PIEZO1: variants seen among roughly 807,000 people sequenced by gnomAD.
PIEZO1 encodes the protein piezo-type mechanosensitive ion channel component 1.
Under a neutral mutation model 297.2 loss-of-function variants are expected in PIEZO1, and 296 were observed. The ratio of observed to expected loss-of-function variants is 1.00; its 90% CI spans 0.91 to 1.10. The LOEUF is 1.10. PIEZO1 is among the 50% of genes least tolerant of loss of function. The probability of loss-of-function intolerance (pLI) is 0.00; values close to 1 mark genes in which losing one functional copy is unlikely to be tolerated. For missense variants in PIEZO1, 5,018 were observed against 3,455.5 expected, an observed-to-expected ratio of 1.45 and a Z score of -11.34; for synonymous variants, 2,427 against 1,507.5, an observed-to-expected ratio of 1.61 and a Z score of -14.13.
At chr16:88,724,772 G>C (rs528815801) in intron 30 of PIEZO1, among the ~76,000 whole-genome samples, 1 of 152,180 alleles carries the variant, frequency 6.6e-6, no homozygotes, top group Non-Finnish European at 1.5e-5. Flanking sequence ...TGTGTCATCG[G>C]GGCAAGCTCC....
rs1283603455 is a variant in PIEZO1 at position 88,721,314 on chromosome 16, G to C, written c.5520C>G (p.Asp1840Glu). 3.9e-6 allele frequency: 6 copies of C among 1,546,056 alleles called. No homozygotes were observed. In the East Asian group the frequency reaches 1.5e-4, roughly 38 times the overall value. ...GPGVPAATTE[D>E]HIQVEARVGP... ...CGACCCTGGCTTCCACCTGAATGTG[G>C]TCTTCGGTGGTGGCCGCAGGCACCC... The change falls in exon 39 of 51, where the codon GAC (aspartate) becomes GAG (glutamate). Residue 1840 changes from aspartate to glutamate, a missense_variant. Transcript: ENST00000301015.
chr16:88,781,929 T>A (rs572013774), intron 1 of PIEZO1, among the ~76,000 whole-genome samples: 1 of 152,328 alleles, frequency 6.6e-6, no homozygotes, highest in South Asian at 2.1e-4. Context: ...GGTGTGCCCC[T>A]AGGCTGTGCC....
intron 1 of PIEZO1, among the ~76,000 whole-genome samples, chr16:88,778,372 T>C (rs903307046): frequency 1.3e-5 from 2 of 152,206 alleles, no homozygotes; most frequent in Admixed American, 6.5e-5. Context: ...GCCCCAGCTA[T>C]ATATACCCAC....
intron 2 of PIEZO1, among the ~76,000 whole-genome samples, chr16:88,747,037 CCT>C (rs1174633149): frequency 6.6e-6 from 1 of 152,174 alleles, no homozygotes; most frequent in Non-Finnish European, 1.5e-5. Flanking sequence ...TCCCAAAATG[CCT>C]CTCTGCACCC....
At chr16:88,735,457 G>A (rs1473559970) in intron 12 of PIEZO1, among the ~76,000 whole-genome samples, 1 of 152,272 alleles carries the variant, frequency 6.6e-6, no homozygotes, top group African/African-American at 2.4e-5. Context: ...CCATGGATGA[G>A]TGCATGGGTT....
chr16:88,770,706 G>A (rs908574360), intron 1 of PIEZO1, among the ~76,000 whole-genome samples: 3 of 152,336 alleles, frequency 2.0e-5, no homozygotes, highest in Middle Eastern at 6.8e-3. Flanking sequence ...AGGCCGGCTG[G>A]CAGCCCAGCC....
At chr16:88,757,837 G>C (rs989822663) in intron 1 of PIEZO1, among the ~76,000 whole-genome samples, 2 of 152,188 alleles carry the variant, frequency 1.3e-5, no homozygotes, top group African/African-American at 4.8e-5. Context: ...AGAGACTCAA[G>C]TCACAGGCAG....
chr16:88,777,371 C>T (rs756758795), intron 1 of PIEZO1, among the ~76,000 whole-genome samples: 13 of 152,214 alleles, frequency 8.5e-5, no homozygotes, highest in Non-Finnish European at 1.6e-4. Context: ...CCGCCCATTG[C>T]AGGGTCCTCA....
At chr16:88,737,473 A>G in intron 10 of PIEZO1, 86 bp downstream of exon 10, 1 of 908,346 alleles carries the variant, frequency 1.1e-6, no homozygotes, top group Non-Finnish European at 1.6e-6. Flanking sequence ...CGAGCATGCG[A>G]GAGCGCCAGG....
In PIEZO1 at chr16:88,723,301, C is replaced by A; in HGVS notation, c.4363G>T (p.Ala1455Ser). The A allele has an allele frequency of 6.5e-7, 1 of 1,539,720 alleles. No homozygotes were observed. Among genetic ancestry groups the A allele is most frequent in the Non-Finnish European group, 8.7e-7 (1 of 1,146,760 alleles). The change falls in exon 32 of 51, where the codon GCC becomes TCC. Residue 1455 changes from alanine to serine, a missense_variant. Physicochemically the swap from Ala to Ser is moderately conservative, Grantham distance 99. Coordinates refer to ENST00000301015, the MANE Select transcript of PIEZO1 (RefSeq NM_001142864.4). ...QLAYQAWVTN[A>S]QAVLRRRQQE... The stretch of plus-strand genomic sequence containing the variant: ...TGCCGCCGCCTCAGCACCGCCTGGG[C>A]GTTGGTCACCCATGCCTGGTACGCC...
At chr16:88,741,221 T>C (rs1306224045) in intron 5 of PIEZO1, 7 of 410,980 alleles carry the variant, frequency 1.7e-5, no homozygotes, top group Non-Finnish European at 2.6e-5. Context: ...CTGTGAAGAG[T>C]TCCTAAGGGC....
At chr16:88,781,458 A>C (rs776763877) in intron 1 of PIEZO1, among the ~76,000 whole-genome samples, 20 of 152,208 alleles carry the variant, frequency 1.3e-4, no homozygotes, top group Non-Finnish European at 2.8e-4. Context: ...TCACACCTGC[A>C]GCCCTTGGTG....
chr16:88,764,339 G>A (rs571585024), intron 1 of PIEZO1, among the ~76,000 whole-genome samples: 6 of 152,246 alleles, frequency 3.9e-5, no homozygotes, highest in South Asian at 4.1e-4. Context: ...CACCACCAGC[G>A]TCGCTGGATC....
In PIEZO1 at chr16:88,719,560, C is replaced by A; in HGVS notation, c.6471+14G>T. On this transcript the variant is annotated intron_variant, in intron 44 of 50. Coordinates refer to ENST00000301015, the MANE Select transcript of PIEZO1 (RefSeq NM_001142864.4). ...CCTGGCCCTTGTCCCGGCCCCCGCC[C>A]TGGGCCCAGGCACCTTCTCTGTCTC... The A allele has an allele frequency of 1.3e-6, 2 of 1,550,042 alleles. No individual in the cohort carries two copies. The highest frequency in any genetic ancestry group is 1.7e-6 in the Non-Finnish European group (2 of 1,146,588).
In PIEZO1 at chr16:88,726,369, G is replaced by C; in HGVS notation, c.3883C>G (p.Leu1295Val). 1.3e-6 allele frequency: 2 copies of C among 1,550,442 alleles called. No homozygotes were observed. The highest frequency in any genetic ancestry group is 1.7e-6 in the Non-Finnish European group (2 of 1,146,900). Residue 1295 changes from leucine to valine, a missense_variant, in exon 27 of 51, where the codon CTG becomes GTG. Physicochemically the swap from Leu to Val is conservative, Grantham distance 32. Coordinates refer to ENST00000301015, the MANE Select transcript of PIEZO1 (RefSeq NM_001142864.4). ...IIWDSVCFFF[L>V]LLQRRVFLSH... Reference sequence around the variant, plus strand: ...AGGAAGACGCGGCGCTGCAGCAGCAGGAAGAAGAAGCAGACGCTGTCCCAG... The same window carrying C: ...AGGAAGACGCGGCGCTGCAGCAGCACGAAGAAGAAGCAGACGCTGTCCCAG...
intron 1 of PIEZO1, among the ~76,000 whole-genome samples, chr16:88,772,687 G>T (rs940581113): frequency 2.0e-5 from 3 of 151,732 alleles, no homozygotes; most frequent in South Asian, 2.1e-4. Flanking sequence ...GCTGAGGCAG[G>T]AGAATCGCTT....
intron 2 of PIEZO1, among the ~76,000 whole-genome samples, 169 bp from the exon 3 acceptor site, chr16:88,742,591 A>C (rs1369012759): frequency 6.6e-6 from 1 of 152,034 alleles, no homozygotes; most frequent in Non-Finnish European, 1.5e-5. Flanking sequence ...CCCACTCCCC[A>C]CGCCTCCCGA....
intron 1 of PIEZO1, among the ~76,000 whole-genome samples, chr16:88,765,985 C>A (rs1907159797): frequency 6.6e-6 from 1 of 152,088 alleles, no homozygotes; most frequent in East Asian, 1.9e-4. Context: ...TATCTCCATT[C>A]TGAACAGGGT....
intron 2 of PIEZO1, among the ~76,000 whole-genome samples, chr16:88,744,752 C>G (rs951976425): frequency 6.6e-6 from 1 of 152,122 alleles, no homozygotes; most frequent in African/African-American, 2.4e-5. Flanking sequence ...TCCGCAGGGT[C>G]GAAGGGGCCG....
Sources: allele counts gnomAD v4.1 joint callset (sites outside exome capture counted in the v4.1 genomes callset), GRCh38; gene constraint gnomAD v4.1.1; transcripts MANE v1.5; gene names NCBI Gene and HGNC (gene_info 2026-07-23, HGNC 2026-07-21).